MYT1L: variants seen among roughly 807,000 people sequenced by gnomAD.
MYT1L encodes the protein myelin transcription factor 1-like protein.
MYT1L carries 12 observed loss-of-function variants against 126.7 expected under a neutral mutation model. The observed-to-expected ratio is 0.09, with a 90% CI of 0.06 to 0.15. The LOEUF (loss-of-function observed/expected upper bound fraction) is 0.15, where lower values mean the gene tolerates loss of function less well. Among genes scored for constraint, MYT1L ranks in the 10% least tolerant of loss-of-function variants. The pLI, the probability that MYT1L is intolerant of heterozygous loss-of-function variation, is 1.00. For synonymous variants in MYT1L, 541 were observed against 604.2 expected, an observed-to-expected ratio of 0.90 and a Z score of 1.53; for missense variants, 979 against 1,585.2, an observed-to-expected ratio of 0.62 and a Z score of 6.49.
chr2:2,073,228 C>T (rs1180806198), intron 3 of MYT1L, among the ~76,000 whole-genome samples: 1 of 150,678 alleles, frequency 6.6e-6, no homozygotes, highest in Non-Finnish European at 1.5e-5. Flanking sequence ...CTTTCTTCCC[C>T]CTCCCTCACT....
chr2:2,280,261 C>G (rs1049994351), intron 2 of MYT1L, among the ~76,000 whole-genome samples: 6 of 152,198 alleles, frequency 3.9e-5, no homozygotes, highest in Non-Finnish European at 8.8e-5. Flanking sequence ...CCACAAAACA[C>G]TAGTTAGGCA....
At chr2:1,952,972 T>C (rs867670994) in intron 8 of MYT1L, among the ~76,000 whole-genome samples, 16 of 108,026 alleles carry the variant, frequency 1.5e-4, no homozygotes, top group South Asian at 4.1e-4. Flanking sequence ...CCCTCCCTCC[T>C]TCCTTCCTTT....
intron 18 of MYT1L, among the ~76,000 whole-genome samples, chr2:1,859,272 A>T (rs1489632012): frequency 6.6e-6 from 1 of 152,222 alleles, no homozygotes. Flanking sequence ...TGATATATGT[A>T]ACCTGTAAAC....
intron 3 of MYT1L, among the ~76,000 whole-genome samples, chr2:2,113,978 C>T (rs1450398201): frequency 6.6e-6 from 1 of 151,802 alleles, no homozygotes; most frequent in African/African-American, 2.4e-5. Context: ...AACATTACTG[C>T]CTCCATTACA....
intron 1 of MYT1L, among the ~76,000 whole-genome samples, chr2:2,330,316 A>G (rs1439939461): frequency 2.0e-5 from 3 of 152,104 alleles, no homozygotes; most frequent in Non-Finnish European, 4.4e-5. Context: ...TCTATATTTT[A>G]TATAGCTAAC....
chr2:1,998,819 C>T (rs1445935468), intron 4 of MYT1L, among the ~76,000 whole-genome samples: 10 of 152,062 alleles, frequency 6.6e-5, no homozygotes, highest in Admixed American at 6.6e-4. Context: ...ACCCCAGAGC[C>T]CACACAATTC....
chr2:2,320,491 GA>G (rs1347747463), intron 1 of MYT1L, among the ~76,000 whole-genome samples: 13 of 139,198 alleles, frequency 9.3e-5, no homozygotes, highest in South Asian at 5.0e-4. Flanking sequence ...AAAAAAAAAA[GA>G]AAAAAAAAGC....
At chr2:2,328,606 T>G (rs959300355) in intron 1 of MYT1L, among the ~76,000 whole-genome samples, 1 of 152,208 alleles carries the variant, frequency 6.6e-6, no homozygotes, top group African/African-American at 2.4e-5. Flanking sequence ...TCAAGAGAAG[T>G]TGAAATTTGT....
rs764811407 is a variant in MYT1L at position 1,889,274 on chromosome 2, C to T, written c.2487G>A (p.Arg829=). ...CTTTGGACTCGTCCTCGTCTATCCTCCGGGGTTTCATTTTGGTGTAGTCTA... is the reference window on the plus strand; with the variant it reads ...CTTTGGACTCGTCCTCGTCTATCCTTCGGGGTTTCATTTTGGTGTAGTCTA... ...LPVDYTKMKP[R]RIDEDESKDI... is the part of the protein sequence containing the mutation. Residue 829 remains arginine, a synonymous_variant, in exon 16 of 25, where the codon CGG becomes CGA. Coordinates refer to ENST00000647738, the MANE Select transcript of MYT1L (RefSeq NM_001303052.2). This position sits in a 1 kb window ranked among gnomAD's most constrained non-coding sequence, Gnocchi z 4.1. 30 of 1,613,820 alleles carry T rather than the reference C, an allele frequency of 1.9e-5. No individual in the cohort carries two copies. The highest frequency in any genetic ancestry group is 1.6e-4 in the Middle Eastern group (1 of 6,084).
intron 2 of MYT1L, among the ~76,000 whole-genome samples, chr2:2,199,194 T>A (rs2092951653): frequency 6.6e-6 from 1 of 152,170 alleles, no homozygotes; most frequent in Admixed American, 6.5e-5. Flanking sequence ...CAAAGTAAAG[T>A]GTGGGACTGC....
chr2:2,162,279 T>C (rs1450266715), intron 3 of MYT1L, among the ~76,000 whole-genome samples: 1 of 151,276 alleles, frequency 6.6e-6, no homozygotes, highest in Admixed American at 6.6e-5. Flanking sequence ...CAGGTGGGAA[T>C]GCAGGTGGTG....
intron 19 of MYT1L, among the ~76,000 whole-genome samples, chr2:1,844,467 A>G (rs998227248): frequency 3.3e-5 from 5 of 152,158 alleles, no homozygotes; most frequent in Admixed American, 3.3e-4. Context: ...AGTACTTGCT[A>G]TGGACCCCAG....
intron 8 of MYT1L, among the ~76,000 whole-genome samples, chr2:1,968,676 G>A (rs2059575055): frequency 6.6e-6 from 1 of 152,168 alleles, no homozygotes; most frequent in Non-Finnish European, 1.5e-5. Context: ...CAGGCCCCCA[G>A]GCAGTCCTTT....
rs185186360 is a variant in MYT1L, at chr2:2,040,067, A to G, written c.-158+13911T>C. On this transcript the variant is annotated intron_variant, in intron 4 of 24. Transcript: ENST00000647738. Reference sequence around the variant, plus strand: ...GACTCTTGCACAACATCCCCTCAGCATTTAGGAATCCATCTTAATATGTGC... The same window carrying G: ...GACTCTTGCACAACATCCCCTCAGCGTTTAGGAATCCATCTTAATATGTGC... Among the ~76,000 whole-genome samples, 221 of 152,296 alleles carry G rather than the reference A, an allele frequency of 1.5e-3. 1 individual carries two copies. Among genetic ancestry groups the G allele is most frequent in the Non-Finnish European group, 1.5e-3 (103 of 68,014 alleles).
chr2:1,839,298 C>T lies in MYT1L; in HGVS notation c.2931G>A (p.Gly977=). ...TCTGCCTCTTGGCCGCCAAGGGGCA[C>T]CCGGAGGCGCTGCGATGGGACGCGT... ...GKYASHRSAS[G]CPLAAKRQKD... Residue 977 remains glycine, a synonymous_variant, in exon 21 of 25, where the codon GGG becomes GGA. Coordinates refer to ENST00000647738, the MANE Select transcript of MYT1L (RefSeq NM_001303052.2). 1 of 1,613,684 alleles carries T rather than the reference C, an allele frequency of 6.2e-7. No homozygotes were observed. The highest frequency in any genetic ancestry group is 8.5e-7 in the Non-Finnish European group (1 of 1,179,908).
At chr2:2,103,573 C>T (rs565637687) in intron 3 of MYT1L, among the ~76,000 whole-genome samples, 20 of 152,332 alleles carry the variant, frequency 1.3e-4, no homozygotes, top group East Asian at 5.8e-4. Flanking sequence ...TCAGCTTAAA[C>T]GGGGAACTCA....
intron 5 of MYT1L, among the ~76,000 whole-genome samples, chr2:1,992,305 CT>C (rs1246802673): frequency 1.3e-5 from 2 of 152,174 alleles, no homozygotes; most frequent in African/African-American, 4.8e-5. Context: ...GTTTTTCCCC[CT>C]TTCCCCTATC....
intron 2 of MYT1L, among the ~76,000 whole-genome samples, chr2:2,246,803 A>C (rs1240494698): frequency 6.6e-6 from 1 of 152,210 alleles, no homozygotes; most frequent in African/African-American, 2.4e-5. Flanking sequence ...TGGGAGCCTA[A>C]GTATCTTAGC....
intron 3 of MYT1L, among the ~76,000 whole-genome samples, chr2:2,163,137 C>T (rs1486873056): frequency 1.3e-5 from 2 of 152,156 alleles, no homozygotes; most frequent in Non-Finnish European, 2.9e-5. Flanking sequence ...CCAGCAGGAC[C>T]ACCTGACCCT....
Sources: gnomAD v4.1 joint callset for allele counts (sites outside exome capture counted in the v4.1 genomes callset) on GRCh38, gnomAD v4.1.1 for gene constraint, Gnocchi (gnomAD v3.1) non-coding constraint, MANE v1.5 for transcripts, NCBI Gene and HGNC (gene_info 2026-07-23, HGNC 2026-07-21) for gene names.